The following RBMS3 variants were observed in gnomAD, a reference collection of about 807,000 sequenced individuals.
The protein encoded by RBMS3 is RNA binding motif single stranded interacting protein 3, also known as RNA-binding motif, single-stranded-interacting protein 3.
A neutral mutation model predicts 66.8 loss-of-function variants in RBMS3; 27 were observed. The ratio of observed to expected loss-of-function variants is 0.40; its 90% CI spans 0.30 to 0.56. The LOEUF is 0.56. RBMS3 is among the 20% of genes least tolerant of loss of function. RBMS3 has a pLI of 0.40. For missense variants in RBMS3, 513 were observed against 549.5 expected, an observed-to-expected ratio of 0.93 and a Z score of 0.66; for synonymous variants, 188 against 183.0, an observed-to-expected ratio of 1.03 and a Z score of -0.22.
chr3:29,935,361 C>G (rs949089397), intron 10 of RBMS3, among the ~76,000 whole-genome samples: 5 of 151,958 alleles, frequency 3.3e-5, no homozygotes, highest in African/African-American at 1.2e-4. Flanking sequence ...TCTAGACATC[C>G]ACTTTTCTTA....
At chr3:29,942,644 G>T (rs902569467) in intron 11 of RBMS3, among the ~76,000 whole-genome samples, 1 of 151,732 alleles carries the variant, frequency 6.6e-6, no homozygotes, top group African/African-American at 2.4e-5. Flanking sequence ...AACAAGTGTG[G>T]CTATTTCCAG....
chr3:29,566,956 C>T (rs2046765772), intron 3 of RBMS3, among the ~76,000 whole-genome samples: 1 of 152,060 alleles, frequency 6.6e-6, no homozygotes, highest in Non-Finnish European at 1.5e-5. Context: ...CAATAAAAAG[C>T]TTAAATTCAT....
chr3:29,504,209 G>A (rs890029841), intron 3 of RBMS3, among the ~76,000 whole-genome samples: 2 of 152,064 alleles, frequency 1.3e-5, no homozygotes, highest in Non-Finnish European at 2.9e-5. Flanking sequence ...TGTCTGAGCC[G>A]TGCCAGTTAG....
intron 10 of RBMS3, among the ~76,000 whole-genome samples, chr3:29,930,492 T>C: frequency 6.6e-6 from 1 of 151,998 alleles, no homozygotes; most frequent in East Asian, 1.9e-4. Context: ...TATATGTATA[T>C]ATGGACCAGG....
At chr3:29,718,151 A>G (rs1481261286) in intron 4 of RBMS3, among the ~76,000 whole-genome samples, 1 of 152,136 alleles carries the variant, frequency 6.6e-6, no homozygotes, top group African/African-American at 2.4e-5. Context: ...ATATAAATCA[A>G]TAATTGTAAT....
intron 4 of RBMS3, among the ~76,000 whole-genome samples, chr3:29,679,172 C>T (rs147728869): frequency 4.0e-4 from 61 of 151,870 alleles, no homozygotes; most frequent in South Asian, 3.5e-3. Context: ...CATATGCTCT[C>T]CAGATGAGTT....
chr3:29,878,007 C>T (rs528440739), intron 7 of RBMS3, among the ~76,000 whole-genome samples: 4 of 152,044 alleles, frequency 2.6e-5, no homozygotes, highest in South Asian at 2.1e-4. Context: ...ATAAGTTTTC[C>T]GTTGACAGGG....
chr3:29,575,628 A>G (rs1017381835), intron 3 of RBMS3, among the ~76,000 whole-genome samples: 2 of 152,062 alleles, frequency 1.3e-5, no homozygotes, highest in East Asian at 3.9e-4. Context: ...TTTAAGGCAA[A>G]TAACTCTTAT....
chr3:29,850,810 G>A (rs1220842532), intron 6 of RBMS3, among the ~76,000 whole-genome samples: 1 of 152,118 alleles, frequency 6.6e-6, no homozygotes, highest in Non-Finnish European at 1.5e-5. Context: ...TTTCTCCTCA[G>A]GCATCCTGCT....
At chr3:29,292,617 A>G (rs2032910516) in intron 1 of RBMS3, among the ~76,000 whole-genome samples, 1 of 151,820 alleles carries the variant, frequency 6.6e-6, no homozygotes, top group Non-Finnish European at 1.5e-5. Flanking sequence ...AACTGTGAAG[A>G]GTCTGATGAA....
chr3:29,336,031 A>G (rs2035928316), intron 1 of RBMS3, among the ~76,000 whole-genome samples: 4 of 152,306 alleles, frequency 2.6e-5, no homozygotes, highest in Admixed American at 2.6e-4. Flanking sequence ...TTTTCTTAAC[A>G]AAGGAAAACC....
At chr3:29,806,417 T>C (rs2057549448) in intron 6 of RBMS3, among the ~76,000 whole-genome samples, 3 of 151,938 alleles carry the variant, frequency 2.0e-5, no homozygotes, top group Admixed American at 2.0e-4. Flanking sequence ...AGCACAAAAC[T>C]GTTTTTGAAA....
rs561419180 is a variant in RBMS3 at position 29,950,434 on chromosome 3, G to A, written c.1098+6180G>A. On this transcript the variant is annotated intron_variant, in intron 12 of 14. Transcript: ENST00000383767. ...ATGGACTTTAAAGTAAGCTAATTGC[G>A]TGTGCAGGAATCAGCACATCTGGTA... Among the ~76,000 whole-genome samples, 28 of 151,950 alleles carry A rather than the reference G, an allele frequency of 1.8e-4. 1 individual carries two copies. The South Asian group carries it at 4.6e-3, about 25-fold the overall frequency.
chr3:29,711,485 T>C (rs529974942), intron 4 of RBMS3, among the ~76,000 whole-genome samples: 1 of 152,226 alleles, frequency 6.6e-6, no homozygotes, highest in South Asian at 2.1e-4. Flanking sequence ...TCCAAGAAAC[T>C]TGGAGCACAG....
rs1699813577 is a variant in RBMS3, at chr3:30,006,758, T to C, written c.*2896T>C. 6.6e-6 allele frequency: 1 copy of C among 152,006 alleles called. No homozygotes were observed. Among genetic ancestry groups the C allele is most frequent in the South Asian group, 2.1e-4 (1 of 4,832 alleles). The allele number at this position is 152,006 out of a possible 1,614,324, so 9.4% of individuals were successfully genotyped here. ...AAATAACCAAAAACATGTATTAATG[T>C]GATACAAAGAAAGTCTCATTCACAC... On this transcript the variant is annotated 3_prime_UTR_variant, in exon 15 of 15. Transcript: ENST00000383767.
At chr3:29,834,423 T>C (rs985554161) in intron 6 of RBMS3, among the ~76,000 whole-genome samples, 1 of 152,026 alleles carries the variant, frequency 6.6e-6, no homozygotes, top group Non-Finnish European at 1.5e-5. Context: ...TATAAAATGA[T>C]GTAAGTCGTA....
At chr3:29,509,482 G>A (rs1333176472) in intron 3 of RBMS3, among the ~76,000 whole-genome samples, 1 of 152,152 alleles carries the variant, frequency 6.6e-6, no homozygotes, top group Non-Finnish European at 1.5e-5. Context: ...CAAGGAACTT[G>A]CCTAAGTTGC....
chr3:29,420,560 G>GTTTTTT (rs1553600813), intron 1 of RBMS3, among the ~76,000 whole-genome samples: 1 of 123,258 alleles, frequency 8.1e-6, no homozygotes, highest in East Asian at 2.7e-4. Flanking sequence ...ACTTAGGTTT[G>GTTTTTT]TTTTTTTTTG....
chr3:29,623,978 T>A (rs1421477010), intron 4 of RBMS3, among the ~76,000 whole-genome samples: 1 of 152,244 alleles, frequency 6.6e-6, no homozygotes, highest in Non-Finnish European at 1.5e-5. Context: ...ACTGCCAGTA[T>A]GGCTATTATT....
Sources: allele counts gnomAD v4.1 joint callset (sites outside exome capture counted in the v4.1 genomes callset), GRCh38; gene constraint gnomAD v4.1.1; transcripts MANE v1.5; gene names NCBI Gene and HGNC (gene_info 2026-07-23, HGNC 2026-07-21).